SDK1: variants seen among roughly 807,000 people sequenced by gnomAD.
SDK1 encodes protein sidekick-1.
A neutral mutation model predicts 245.5 loss-of-function variants in SDK1; 157 were observed. The observed-to-expected ratio is 0.64, with a 90% confidence interval of 0.56 to 0.73. The LOEUF (loss-of-function observed/expected upper bound fraction) is 0.73, where lower values mean the gene tolerates loss of function less well. SDK1 is among the 30% of genes least tolerant of loss of function. SDK1 has a pLI of 0.00. For synonymous variants in SDK1, 1,647 were observed against 1,278.5 expected (o/e 1.29, Z -6.15); for missense variants, 3,583 against 3,002.3 (o/e 1.19, Z -4.52).
At chr7:3,893,232 G>T (rs1431154015) in intron 5 of SDK1, among the ~76,000 whole-genome samples, 1 of 152,118 alleles carries the variant, frequency 6.6e-6, no homozygotes, top group Non-Finnish European at 1.5e-5. Flanking sequence ...CTCCGGCCCC[G>T]GTTCTGCCTC....
intron 4 of SDK1, among the ~76,000 whole-genome samples, chr7:3,753,922 T>G (rs1292540982): frequency 1.3e-5 from 2 of 152,206 alleles, no homozygotes; most frequent in Admixed American, 1.3e-4. Flanking sequence ...AAATAAAATT[T>G]TGAAGGAAAG....
intron 1 of SDK1, among the ~76,000 whole-genome samples, chr7:3,532,663 A>G (rs1583132788): frequency 1.3e-5 from 2 of 152,178 alleles, no homozygotes; most frequent in African/African-American, 4.8e-5. Context: ...CTTGATAAAT[A>G]AAGAAGGCTC....
At chr7:3,483,130 T>C (rs1781569172) in intron 1 of SDK1, among the ~76,000 whole-genome samples, 1 of 152,238 alleles carries the variant, frequency 6.6e-6, no homozygotes, top group Non-Finnish European at 1.5e-5. Context: ...GTCAAGTTCC[T>C]GAAAAATCAT....
intron 31 of SDK1, among the ~76,000 whole-genome samples, chr7:4,160,620 G>A (rs1159859324): frequency 6.6e-6 from 1 of 152,186 alleles, no homozygotes; most frequent in Non-Finnish European, 1.5e-5. Context: ...TATGTGGACG[G>A]TTTACTGATG....
intron 5 of SDK1, among the ~76,000 whole-genome samples, chr7:3,888,064 G>A (rs1173843994): frequency 6.6e-6 from 1 of 152,138 alleles, no homozygotes; most frequent in Non-Finnish European, 1.5e-5. Flanking sequence ...CAGTCAAAAG[G>A]AGACCAAAAG....
chr7:3,776,944 G>A lies in SDK1; in HGVS notation c.714-44506G>A, dbSNP rs147048302. 3.0e-3 allele frequency among the ~76,000 whole-genome samples: 463 copies of A among 152,206 alleles called. 3 individuals carry two copies. Among genetic ancestry groups the A allele is most frequent in the African/African-American group, 0.011 (445 of 41,544 alleles). ...ATAGAGCACGGTGTATACCCACACG[G>A]ACTGTGATCCAGGAAGAAAGATCTG... On this transcript the variant is annotated intron_variant, in intron 4 of 44. Coordinates refer to ENST00000404826, the MANE Select transcript of SDK1 (RefSeq NM_152744.4).
At chr7:3,811,637 A>G (rs777385787) in intron 4 of SDK1, among the ~76,000 whole-genome samples, 6 of 152,158 alleles carry the variant, frequency 3.9e-5, no homozygotes, top group Non-Finnish European at 5.9e-5. Flanking sequence ...GCTGTTGGCC[A>G]TGGTGCTGGG....
intron 27 of SDK1, among the ~76,000 whole-genome samples, chr7:4,131,070 G>A (rs1784780299): frequency 6.6e-6 from 1 of 152,192 alleles, no homozygotes; most frequent in Non-Finnish European, 1.5e-5. Flanking sequence ...CAGGCTAGAG[G>A]GAGATCCAGG....
intron 4 of SDK1, among the ~76,000 whole-genome samples, chr7:3,819,351 A>G (rs1269316427): frequency 6.6e-6 from 1 of 152,004 alleles, no homozygotes; most frequent in East Asian, 1.9e-4. Flanking sequence ...ATCTTTATGT[A>G]CCTTTTTATT....
At chr7:3,905,566 T>C (rs1263292377) in intron 5 of SDK1, among the ~76,000 whole-genome samples, 2 of 152,202 alleles carry the variant, frequency 1.3e-5, no homozygotes, top group Non-Finnish European at 2.9e-5. Flanking sequence ...AGGTAGTTAT[T>C]TTCTCCTGTT....
chr7:3,438,871 A>C (rs1259360507), intron 1 of SDK1, among the ~76,000 whole-genome samples: 1 of 91,328 alleles, frequency 1.1e-5, no homozygotes. Context: ...TTTTTTTTTG[A>C]GATGGAGTTT....
intron 1 of SDK1, among the ~76,000 whole-genome samples, chr7:3,606,336 G>A (rs1162619658): frequency 2.0e-5 from 3 of 152,120 alleles, no homozygotes; most frequent in Non-Finnish European, 4.4e-5. Flanking sequence ...TAACAAGATG[G>A]CCTCCTGAGT....
In SDK1 at chr7:4,178,525, C is replaced by G. The variant is rs1584379757; in HGVS notation, c.5037C>G (p.Ala1679=). Residue 1679 remains alanine (A), a synonymous_variant, in exon 35 of 45, where the codon GCC becomes GCG. Coordinates refer to ENST00000404826, the MANE Select transcript of SDK1 (RefSeq NM_152744.4). ...KYRRYEVIMT[A]YNIIGESPAS... is the part of the protein sequence containing the mutation. ...GGCGCTATGAAGTAATAATGACCGCCTATAACATCATCGGCGAGAGCCCAG... is the reference window on the plus strand; with the variant it reads ...GGCGCTATGAAGTAATAATGACCGCGTATAACATCATCGGCGAGAGCCCAG... 1 of 1,613,996 alleles carries G rather than the reference C, an allele frequency of 6.2e-7. No individual in the cohort carries two copies.
At chr7:4,133,974 TA>T (rs1290825186) in intron 28 of SDK1, among the ~76,000 whole-genome samples, 2 of 152,170 alleles carry the variant, frequency 1.3e-5, no homozygotes, top group East Asian at 3.9e-4. Flanking sequence ...TTCACATCAC[TA>T]AAAAAAAGTT....
intron 25 of SDK1, among the ~76,000 whole-genome samples, chr7:4,126,940 A>C (rs1356793613): frequency 6.6e-6 from 1 of 152,302 alleles, no homozygotes; most frequent in East Asian, 1.9e-4. Flanking sequence ...GCACCTAGTC[A>C]ACCTACCCTC....
intron 1 of SDK1, among the ~76,000 whole-genome samples, chr7:3,609,128 C>T (rs1218492145): frequency 1.3e-5 from 2 of 152,034 alleles, no homozygotes; most frequent in African/African-American, 4.8e-5. Flanking sequence ...AATGTAATGA[C>T]TTTGATTTTT....
chr7:4,089,214 C>T (rs1781629540), intron 22 of SDK1, among the ~76,000 whole-genome samples: 1 of 152,134 alleles, frequency 6.6e-6, no homozygotes, highest in Admixed American at 6.5e-5. Context: ...AGGTGAGACC[C>T]TCCCTCAAGT....
chr7:3,383,419 A>AG (rs1781538238), intron 1 of SDK1, among the ~76,000 whole-genome samples: 2 of 152,286 alleles, frequency 1.3e-5, no homozygotes, highest in South Asian at 4.1e-4. Flanking sequence ...TATTAAAAAA[A>AG]CACATGGGGT....
intron 13 of SDK1, among the ~76,000 whole-genome samples, chr7:3,980,898 C>A (rs781753780): frequency 6.6e-6 from 1 of 151,506 alleles, no homozygotes; most frequent in Non-Finnish European, 1.5e-5. Context: ...CCGAATTGCA[C>A]CACTGCACTC....
Sources: gnomAD v4.1 joint callset for allele counts (sites outside exome capture counted in the v4.1 genomes callset) on GRCh38, gnomAD v4.1.1 for gene constraint, MANE v1.5 for transcripts, NCBI Gene and HGNC (gene_info 2026-07-23, HGNC 2026-07-21) for gene names.